The following PKN2 variants were observed in gnomAD, a reference collection of about 807,000 sequenced individuals.
PKN2 encodes the protein protein kinase N2.
In PKN2, 38 loss-of-function variants were observed where a neutral mutation model predicts 119.1. That is an observed-to-expected ratio of 0.32 (90% CI 0.25 to 0.42). PKN2 has a LOEUF of 0.42. Among genes scored for constraint, PKN2 ranks in the 10% least tolerant of loss-of-function variants. PKN2 has a pLI of 1.00. For missense variants in PKN2, 850 were observed against 1,165.1 expected, an observed-to-expected ratio of 0.73 and a Z score of 3.94; for synonymous variants, 390 against 384.9, an observed-to-expected ratio of 1.01 and a Z score of -0.15.
chr1:88,728,943 G>C (rs1481830162), intron 1 of PKN2, among the ~76,000 whole-genome samples: 1 of 148,092 alleles, frequency 6.8e-6, no homozygotes, highest in Non-Finnish European at 1.5e-5. Context: ...TGCCCAGGCT[G>C]GAGTGCAATG....
At chr1:88,686,051 T>G (rs1420791754) in intron 1 of PKN2, among the ~76,000 whole-genome samples, 1 of 152,158 alleles carries the variant, frequency 6.6e-6, no homozygotes, top group Non-Finnish European at 1.5e-5. Flanking sequence ...TATGTAGTAT[T>G]TTAATTACAG....
intron 8 of PKN2, among the ~76,000 whole-genome samples, chr1:88,793,785 A>G (rs1330564789): frequency 6.6e-6 from 1 of 152,186 alleles, no homozygotes; most frequent in African/African-American, 2.4e-5. Context: ...ACCCAGTGCA[A>G]TGTAAATGCT....
At chr1:88,773,469 G>T (rs1243892637) in intron 6 of PKN2, among the ~76,000 whole-genome samples, 1 of 152,026 alleles carries the variant, frequency 6.6e-6, no homozygotes, top group Non-Finnish European at 1.5e-5. Flanking sequence ...GCTAATTTCT[G>T]TATTTTTAGT....
chr1:88,761,016 A>T (rs769070394), intron 3 of PKN2, among the ~76,000 whole-genome samples: 37 of 152,296 alleles, frequency 2.4e-4, no homozygotes, highest in Non-Finnish European at 4.9e-4. Context: ...CAATGAAAAG[A>T]TGGGACATTT....
chr1:88,690,129 C>T (rs1046668831), intron 1 of PKN2, among the ~76,000 whole-genome samples: 1 of 152,138 alleles, frequency 6.6e-6, no homozygotes, highest in Admixed American at 6.6e-5. Flanking sequence ...CATGCAATTC[C>T]TACCATTCAC....
Position 88,705,133 on chromosome 1 carries a change from CTT to C in PKN2, c.48+20515_48+20516del, listed in dbSNP as rs571645923. ...TGTAGCTTATCTTTTCTTTTCTTTT[CTT>C]TTTTTTTTTAAACAGTATCTTTCCA... On this transcript the variant is annotated intron_variant, in intron 1 of 21. Transcript: ENST00000370521. Among the ~76,000 whole-genome samples, 31 of 143,020 alleles carry C rather than the reference CTT, an allele frequency of 2.2e-4. No individual in the cohort carries two copies. The South Asian group carries it at 6.4e-3, about 30-fold the overall frequency. 93.8% of individuals were successfully genotyped at this position (143,020 alleles called of 152,430 possible).
intron 1 of PKN2, among the ~76,000 whole-genome samples, chr1:88,687,908 TC>T: frequency 6.6e-6 from 1 of 152,304 alleles, no homozygotes; most frequent in East Asian, 1.9e-4. Flanking sequence ...TTGCTATATA[TC>T]AGACATTGTA....
intron 1 of PKN2, among the ~76,000 whole-genome samples, chr1:88,694,995 C>CG (rs1169616003): frequency 6.6e-6 from 1 of 152,028 alleles, no homozygotes; most frequent in Non-Finnish European, 1.5e-5. Context: ...GGCGTGGTGG[C>CG]GGGCGCCTGT....
At chr1:88,782,627 T>G (rs1456504652) in intron 6 of PKN2, among the ~76,000 whole-genome samples, 1 of 152,204 alleles carries the variant, frequency 6.6e-6, no homozygotes, top group East Asian at 1.9e-4. Flanking sequence ...AGTGTATTTT[T>G]TTTTTAATCT....
intron 3 of PKN2, among the ~76,000 whole-genome samples, chr1:88,765,510 A>G (rs1669634137): frequency 6.6e-6 from 1 of 152,146 alleles, no homozygotes; most frequent in Non-Finnish European, 1.5e-5. Context: ...AGTTGCACAT[A>G]TTTAGTTATA....
intron 1 of PKN2, among the ~76,000 whole-genome samples, chr1:88,719,361 A>T (rs781086126): frequency 4.6e-5 from 7 of 152,214 alleles, no homozygotes; most frequent in Non-Finnish European, 8.8e-5. Context: ...CGGAGTAACT[A>T]ACAACTTGCT....
chr1:88,741,376 T>C, intron 2 of PKN2, 88 bp downstream of exon 2: 2 of 858,864 alleles, frequency 2.3e-6, no homozygotes, highest in Non-Finnish European at 3.3e-6. Context: ...GGGACATGAA[T>C]AGTTTTTAGC....
chr1:88,738,423 GA>G (rs2100740001), intron 1 of PKN2, among the ~76,000 whole-genome samples: 1 of 152,322 alleles, frequency 6.6e-6, no homozygotes, highest in Non-Finnish European at 1.5e-5. Flanking sequence ...GAAGATACTT[GA>G]AAGAGATAAC....
At chr1:88,771,341 C>T in intron 4 of PKN2, 80 bp from the exon 5 acceptor site, 1 of 992,308 alleles carries the variant, frequency 1.0e-6, no homozygotes, top group Non-Finnish European at 1.5e-6. Flanking sequence ...TATAGGAATT[C>T]ATTTCTTTTC....
chr1:88,827,686 A>C (rs982875263), intron 18 of PKN2, among the ~76,000 whole-genome samples: 12 of 118,872 alleles, frequency 1.0e-4, no homozygotes, highest in South Asian at 2.5e-4. Flanking sequence ...CTCTCTCTCT[A>C]TATATAATAT....
chr1:88,751,615 G>C (rs1236732062), intron 2 of PKN2, among the ~76,000 whole-genome samples: 1 of 151,904 alleles, frequency 6.6e-6, no homozygotes, highest in African/African-American at 2.4e-5. Context: ...ACATGCTATT[G>C]TTGGCCATGT....
In PKN2 at chr1:88,757,266, G is replaced by A. The variant is rs144584100; in HGVS notation, c.350-2956G>A. Among the ~76,000 whole-genome samples the A allele has an allele frequency of 1.2e-4, 18 of 152,154 alleles. No individual in the cohort carries two copies. In the East Asian group the frequency reaches 3.3e-3, roughly 28 times the overall value. On this transcript the variant is annotated intron_variant, in intron 2 of 21. Coordinates refer to ENST00000370521, the MANE Select transcript of PKN2 (RefSeq NM_006256.4). The stretch of plus-strand genomic sequence containing the variant: ...TATATGCACACATACATGTGTTTGC[G>A]CAGATATCATTAACTAAAGCACTAT...
chr1:88,805,173 T>G (rs528852736), intron 10 of PKN2, among the ~76,000 whole-genome samples: 8 of 152,236 alleles, frequency 5.3e-5, no homozygotes, highest in Non-Finnish European at 1.0e-4. Flanking sequence ...CTCACTACTT[T>G]CTCAAATTTG....
chr1:88,760,719 A>G (rs1415554700), intron 3 of PKN2, among the ~76,000 whole-genome samples: 1 of 152,114 alleles, frequency 6.6e-6, no homozygotes, highest in Non-Finnish European at 1.5e-5. Flanking sequence ...ATCTGAAATC[A>G]TTTTGACCTC....
Sources: gnomAD v4.1 joint callset for allele counts (sites outside exome capture counted in the v4.1 genomes callset) on GRCh38, gnomAD v4.1.1 for gene constraint, MANE v1.5 for transcripts, NCBI Gene and HGNC (gene_info 2026-07-23, HGNC 2026-07-21) for gene names.